Variants in PRKAR1B observed in about 807,000 individuals in gnomAD.
The protein encoded by PRKAR1B is protein kinase cAMP-dependent type I regulatory subunit beta, also known as cAMP-dependent protein kinase type I-beta regulatory subunit.
A neutral mutation model predicts 46.5 loss-of-function variants in PRKAR1B; 22 were observed. The ratio of observed to expected loss-of-function variants is 0.47; its 90% confidence interval spans 0.34 to 0.68. The LOEUF is 0.68. Ranked by LOEUF, PRKAR1B falls within the 30% of genes least tolerant of loss-of-function variation. PRKAR1B has a pLI of 0.01. For synonymous variants in PRKAR1B, 259 were observed against 217.7 expected (o/e 1.19, Z -1.67); for missense variants, 445 against 535.6 (o/e 0.83, Z 1.67).
chr7:654,124 CCATCACCAT>C (rs1369762028), intron 4 of PRKAR1B, among the ~76,000 whole-genome samples: 1 of 151,634 alleles, frequency 6.6e-6, no homozygotes, highest in Non-Finnish European at 1.5e-5. Flanking sequence ...ATCTTCATCA[CCATCACCAT>C]CATCACCATC....
intron 9 of PRKAR1B, among the ~76,000 whole-genome samples, chr7:555,130 C>T (rs548486765): frequency 1.3e-5 from 2 of 152,000 alleles, no homozygotes; most frequent in African/African-American, 2.4e-5. Context: ...CATCCCCTCA[C>T]TCCTCATTGG....
At chr7:669,632 C>T (rs750428827) in intron 4 of PRKAR1B, among the ~76,000 whole-genome samples, 17 of 151,536 alleles carry the variant, frequency 1.1e-4, no homozygotes, top group Non-Finnish European at 1.9e-4. Flanking sequence ...GGTGTGGTGG[C>T]GCACACCTGT....
intron 1 of PRKAR1B, among the ~76,000 whole-genome samples, chr7:724,461 T>C (rs997250959): frequency 6.6e-6 from 1 of 152,198 alleles, no homozygotes; most frequent in African/African-American, 2.4e-5. Flanking sequence ...GCTGCCATCA[T>C]GTAAGATGTG....
chr7:630,027 C>T (rs1378154812), intron 4 of PRKAR1B, among the ~76,000 whole-genome samples: 1 of 138,108 alleles, frequency 7.2e-6, no homozygotes, highest in African/African-American at 2.7e-5. Flanking sequence ...GCCACCACCC[C>T]AGGGCTGGAA....
chr7:725,984 ACCTG>A (rs1233320820), intron 1 of PRKAR1B, among the ~76,000 whole-genome samples: 1 of 152,000 alleles, frequency 6.6e-6, no homozygotes, highest in Non-Finnish European at 1.5e-5. Flanking sequence ...CTGGCCCCCT[ACCTG>A]CCTAATTATC....
At chr7:670,487 C>A (rs1786176648) in intron 4 of PRKAR1B, among the ~76,000 whole-genome samples, 1 of 152,198 alleles carries the variant, frequency 6.6e-6, no homozygotes, top group Admixed American at 6.5e-5. Context: ...CATGCCACAG[C>A]GTCCAGCAGA....
At chr7:700,269 G>A (rs1290603731) in intron 2 of PRKAR1B, among the ~76,000 whole-genome samples, 2 of 152,156 alleles carry the variant, frequency 1.3e-5, no homozygotes, top group African/African-American at 4.8e-5. Context: ...GCACCCCAAA[G>A]GCTTGGAAAC....
At chr7:553,847 G>C (rs1023796596) in intron 9 of PRKAR1B, among the ~76,000 whole-genome samples, 1 of 152,262 alleles carries the variant, frequency 6.6e-6, no homozygotes, top group African/African-American at 2.4e-5. Flanking sequence ...CCCCTGATCC[G>C]GCCGTGGGGC....
At chr7:596,747 C>T (rs964738512) in intron 6 of PRKAR1B, among the ~76,000 whole-genome samples, 1 of 152,214 alleles carries the variant, frequency 6.6e-6, no homozygotes, top group African/African-American at 2.4e-5. Flanking sequence ...CGGGGCTCTG[C>T]TCTGGGGACC....
At chr7:680,418 A>T in intron 3 of PRKAR1B, 138 bp downstream of exon 3, 1 of 902,252 alleles carries the variant, frequency 1.1e-6, no homozygotes, top group Non-Finnish European at 1.6e-6. Context: ...GCCATCACCC[A>T]CATAGTCCTC....
intron 9 of PRKAR1B, among the ~76,000 whole-genome samples, chr7:553,778 C>T (rs997925254): frequency 7.9e-5 from 12 of 152,262 alleles, no homozygotes; most frequent in Admixed American, 6.5e-4. Context: ...GTGCCCGCCA[C>T]GCCTAGAATC....
intron 4 of PRKAR1B, among the ~76,000 whole-genome samples, chr7:657,010 CGGAT>C (rs1212960896): frequency 9.4e-6 from 1 of 106,934 alleles, no homozygotes; most frequent in Non-Finnish European, 2.0e-5. Context: ...GATGGATGGA[CGGAT>C]GGATGGATGA....
intron 4 of PRKAR1B, among the ~76,000 whole-genome samples, chr7:668,794 T>C (rs553412684): frequency 6.6e-5 from 10 of 152,196 alleles, no homozygotes; most frequent in Non-Finnish European, 1.5e-4. Flanking sequence ...TTACTGAACC[T>C]ACCTAGAGCC....
chr7:661,966 AC>A (rs1785600454), intron 4 of PRKAR1B, among the ~76,000 whole-genome samples: 1 of 79,340 alleles, frequency 1.3e-5, no homozygotes, highest in Non-Finnish European at 2.5e-5. Flanking sequence ...ACAGGTCCCC[AC>A]CCCAACGGGT....
intron 4 of PRKAR1B, among the ~76,000 whole-genome samples, chr7:652,302 C>T (rs553727544): frequency 1.7e-4 from 23 of 132,970 alleles, no homozygotes; most frequent in South Asian, 2.7e-4. Context: ...ACCCACGCAG[C>T]GCTAGGAACC....
At chr7:643,423 A>AT (rs1562584543) in intron 4 of PRKAR1B, among the ~76,000 whole-genome samples, 2 of 151,470 alleles carry the variant, frequency 1.3e-5, no homozygotes, top group African/African-American at 4.9e-5. Flanking sequence ...CAGCTCACTC[A>AT]TAAAAAGTCA....
intron 6 of PRKAR1B, among the ~76,000 whole-genome samples, chr7:598,484 C>T (rs1278289134): frequency 9.4e-6 from 1 of 106,294 alleles, no homozygotes; most frequent in African/African-American, 3.5e-5. Context: ...GCACCCTCCA[C>T]ACTAAACACC....
At chr7:634,596 C>T (rs10253160) in intron 4 of PRKAR1B, among the ~76,000 whole-genome samples, 3 of 151,030 alleles carry the variant, frequency 2.0e-5, no homozygotes, top group South Asian at 4.2e-4. Context: ...TTAGGAGACA[C>T]CCAGTGAAGC....
chr7:608,231 T>G (rs1782225522), intron 4 of PRKAR1B: 2 of 152,244 alleles, frequency 1.3e-5, no homozygotes, highest in African/African-American at 4.8e-5. Context: ...CAAAGAGCAC[T>G]CAGCCCACAA....
Sources: allele counts gnomAD v4.1 joint callset (sites outside exome capture counted in the v4.1 genomes callset), GRCh38; gene constraint gnomAD v4.1.1; transcripts MANE v1.5; gene names NCBI Gene and HGNC (gene_info 2026-07-23, HGNC 2026-07-21).